The following CDK14 variants were observed in gnomAD, a reference collection of about 807,000 sequenced individuals.
The protein encoded by CDK14 is cyclin-dependent kinase 14.
Under a neutral mutation model 60.7 loss-of-function variants are expected in CDK14, and 34 were observed. The observed-to-expected ratio is 0.56, with a 90% CI of 0.43 to 0.75. The LOEUF is 0.75. Among genes scored for constraint, CDK14 ranks in the 30% least tolerant of loss-of-function variants. The pLI is 0.00. For synonymous variants in CDK14, 197 were observed against 203.7 expected, an observed-to-expected ratio of 0.97 and a Z score of 0.28; for missense variants, 482 against 564.1, an observed-to-expected ratio of 0.85 and a Z score of 1.47.
At chr7:91,052,421 T>G (rs1046558942) in intron 11 of CDK14, among the ~76,000 whole-genome samples, 8 of 152,218 alleles carry the variant, frequency 5.3e-5, no homozygotes, top group African/African-American at 1.9e-4. Flanking sequence ...TTACTGACAA[T>G]TAGACTATTT....
intron 8 of CDK14, among the ~76,000 whole-genome samples, chr7:90,945,425 A>G (rs1057462317): frequency 6.6e-6 from 1 of 152,210 alleles, no homozygotes; most frequent in Non-Finnish European, 1.5e-5. Context: ...AACTCTGGGC[A>G]GGGTTAAGTA....
chr7:90,623,653 G>A (rs895216686), intron 2 of CDK14, among the ~76,000 whole-genome samples: 4 of 152,014 alleles, frequency 2.6e-5, no homozygotes, highest in Admixed American at 1.3e-4. Context: ...AATTTTCACC[G>A]TCTCACACTT....
Position 90,770,644 on chromosome 7 carries a change from C to T in CDK14, c.465-19929C>T, listed in dbSNP as rs148369050. Reference sequence around the variant, plus strand: ...ATCCCTCTGGAGTCTGCTGTCTTTCCCCATATCCTTACTGCTTCCTTTGTT... The same window carrying T: ...ATCCCTCTGGAGTCTGCTGTCTTTCTCCATATCCTTACTGCTTCCTTTGTT... On this transcript the variant is annotated intron_variant, in intron 4 of 14. Coordinates refer to ENST00000380050, the MANE Select transcript of CDK14 (RefSeq NM_001287135.2). Among the ~76,000 whole-genome samples the T allele has an allele frequency of 3.9e-3, 587 of 152,282 alleles. 2 individuals carry two copies. The highest frequency in any genetic ancestry group is 0.01 in the Middle Eastern group (3 of 294).
intron 10 of CDK14, among the ~76,000 whole-genome samples, chr7:91,034,180 T>C (rs1401292025): frequency 1.3e-5 from 2 of 152,154 alleles, no homozygotes; most frequent in African/African-American, 4.8e-5. Flanking sequence ...ATCTCTGAAC[T>C]GTATAACTAA....
At chr7:90,846,145 T>C (rs1411140296) in intron 5 of CDK14, among the ~76,000 whole-genome samples, 1 of 152,146 alleles carries the variant, frequency 6.6e-6, no homozygotes, top group Non-Finnish European at 1.5e-5. Context: ...CATCTGTGAC[T>C]CTTCTTCTTC....
At chr7:91,086,704 T>C (rs75548165) in intron 12 of CDK14, among the ~76,000 whole-genome samples, 10,130 of 152,036 alleles carry the variant, frequency 0.067, 575 homozygotes, top group African/African-American at 0.15. Context: ...AATTCTTAAG[T>C]TTTAGGACAT....
intron 5 of CDK14, among the ~76,000 whole-genome samples, chr7:90,844,611 G>C (rs1271937320): frequency 1.3e-5 from 2 of 152,168 alleles, no homozygotes; most frequent in Non-Finnish European, 2.9e-5. Context: ...TTTGCAAAAA[G>C]CTGGTAGGAA....
rs146360199 is a variant in CDK14, at chr7:90,998,610, C to T, written c.1041+14369C>T. On this transcript the variant is annotated intron_variant, in intron 10 of 14. Coordinates refer to ENST00000380050, the MANE Select transcript of CDK14 (RefSeq NM_001287135.2). Reference sequence around the variant, plus strand: ...TGGGTAACTTAAAAAGAAAATAGGCCGGGCGCGGTGGCTCACGCCTGTAAT... The same window carrying T: ...TGGGTAACTTAAAAAGAAAATAGGCTGGGCGCGGTGGCTCACGCCTGTAAT... 3.4e-3 allele frequency among the ~76,000 whole-genome samples: 511 copies of T among 152,248 alleles called. 6 individuals are homozygous for T. The highest frequency in any genetic ancestry group is 0.011 in the African/African-American group (473 of 41,548).
intron 6 of CDK14, among the ~76,000 whole-genome samples, chr7:90,877,818 TA>T (rs753093292): frequency 6.6e-6 from 1 of 152,058 alleles, no homozygotes; most frequent in Non-Finnish European, 1.5e-5. Context: ...CAGGGATCTT[TA>T]AAAAAATCAG....
rs1235926241 is a variant in CDK14 at position 91,131,476 on chromosome 7, T to C, written c.*28+13268T>C. On this transcript the variant is annotated intron_variant, in intron 14 of 14. Transcript: ENST00000380050. ...GATCTGGGACAGGTTCTCAGTCAAA[T>C]GGAAAGAACTCTAAATGGTTACTGA... is the stretch of plus-strand genomic sequence containing the variant. Among the ~76,000 whole-genome samples, 4 of 152,216 alleles carry C rather than the reference T, an allele frequency of 2.6e-5. No homozygotes were observed. The East Asian group carries it at 7.7e-4, about 29-fold the overall frequency.
intron 14 of CDK14, among the ~76,000 whole-genome samples, chr7:91,163,780 C>A (rs1040933505): frequency 6.6e-6 from 1 of 152,132 alleles, no homozygotes; most frequent in Admixed American, 6.5e-5. Flanking sequence ...CCACTCCCAG[C>A]TGCTGGTAAT....
intron 6 of CDK14, among the ~76,000 whole-genome samples, chr7:90,889,184 A>G (rs1019593027): frequency 1.3e-5 from 2 of 152,342 alleles, no homozygotes; most frequent in East Asian, 1.9e-4. Context: ...GGTTTTAAGA[A>G]TTAACTCCTA....
At chr7:91,106,613 G>A (rs374581884) in intron 12 of CDK14, among the ~76,000 whole-genome samples, 30 of 152,166 alleles carry the variant, frequency 2.0e-4, no homozygotes, top group African/African-American at 7.2e-4. Context: ...AGATGAGACT[G>A]TGTCATTAGA....
intron 5 of CDK14, among the ~76,000 whole-genome samples, chr7:90,799,059 G>A (rs1016050671): frequency 7.2e-5 from 11 of 152,114 alleles, no homozygotes; most frequent in Admixed American, 1.3e-4. Flanking sequence ...AGACTTCCAC[G>A]TTTTTTGTTG....
At chr7:91,076,765 T>A (rs904505856) in intron 11 of CDK14, among the ~76,000 whole-genome samples, 1 of 152,104 alleles carries the variant, frequency 6.6e-6, no homozygotes, top group Non-Finnish European at 1.5e-5. Flanking sequence ...GACAAAGGTC[T>A]AATATGTGGA....
chr7:90,875,283 C>T (rs916564863), intron 6 of CDK14, among the ~76,000 whole-genome samples: 8 of 152,154 alleles, frequency 5.3e-5, no homozygotes, highest in Admixed American at 1.3e-4. Context: ...GGTTTCTTTT[C>T]GCCTTTTGGC....
chr7:91,201,717 G>A (rs1316877458), intron 14 of CDK14, among the ~76,000 whole-genome samples: 1 of 152,154 alleles, frequency 6.6e-6, no homozygotes, highest in Non-Finnish European at 1.5e-5. Flanking sequence ...TACACACAGA[G>A]ATTTAACAGG....
intron 14 of CDK14, among the ~76,000 whole-genome samples, chr7:91,134,485 G>C (rs536510961): frequency 2.0e-5 from 3 of 152,170 alleles, no homozygotes; most frequent in African/African-American, 7.2e-5. Context: ...GCAGCTAAGG[G>C]GTAGAAAGAC....
chr7:90,811,970 G>C (rs1423314403), intron 5 of CDK14, among the ~76,000 whole-genome samples: 4 of 152,192 alleles, frequency 2.6e-5, no homozygotes, highest in Non-Finnish European at 4.4e-5. Context: ...GGAAACAACA[G>C]GTGCTGGAGA....
Sources: gnomAD v4.1 joint callset for allele counts (sites outside exome capture counted in the v4.1 genomes callset) on GRCh38, gnomAD v4.1.1 for gene constraint, MANE v1.5 for transcripts, NCBI Gene and HGNC (gene_info 2026-07-23, HGNC 2026-07-21) for gene names.